RSPO3: variants seen among roughly 807,000 people sequenced by gnomAD.
RSPO3 encodes the protein R-spondin 3.
RSPO3 carries 17 observed loss-of-function variants against 36.5 expected under a neutral mutation model. The ratio of observed to expected loss-of-function variants is 0.47; its 90% CI spans 0.32 to 0.70. The LOEUF is 0.70. RSPO3 is among the 30% of genes least tolerant of loss of function. The probability of loss-of-function intolerance (pLI) is 0.04; values close to 1 mark genes in which losing one functional copy is unlikely to be tolerated. For synonymous variants in RSPO3, 108 were observed against 107.0 expected (o/e 1.01, Z -0.06); for missense variants, 294 against 322.5 (o/e 0.91, Z 0.68).
chr6:127,146,686 T>C (rs1345680146), intron 1 of RSPO3, among the ~76,000 whole-genome samples: 1 of 152,138 alleles, frequency 6.6e-6, no homozygotes, highest in Non-Finnish European at 1.5e-5. Context: ...CATGGACCAA[T>C]ATGGTCCATC....
At chr6:127,164,343 A>G (rs1774771050) in intron 4 of RSPO3, among the ~76,000 whole-genome samples, 1 of 152,090 alleles carries the variant, frequency 6.6e-6, no homozygotes, top group South Asian at 2.1e-4. Flanking sequence ...ACCAAACAAG[A>G]AACAAAACTT....
chr6:127,119,351 T>A, intron 1 of RSPO3, 62 bp downstream of exon 1: 1 of 1,254,196 alleles, frequency 8.0e-7, no homozygotes, highest in South Asian at 1.2e-5. Context: ...CGGGTCGCTT[T>A]GCCTGTCCGG....
Position 127,197,272 on chromosome 6 carries a change from A to G in RSPO3, c.*1265A>G, listed in dbSNP as rs1186708904. 1 of 866,084 alleles carries G rather than the reference A, an allele frequency of 1.2e-6. No homozygotes were observed. The highest frequency in any genetic ancestry group is 1.7e-6 in the Non-Finnish European group (1 of 580,860). 53.6% of individuals were successfully genotyped at this position (866,084 alleles called of 1,614,324 possible). On this transcript the variant is annotated 3_prime_UTR_variant, in exon 5 of 5. Transcript: ENST00000356698. ...ATTCCATTTTCTTATTTTAATCAAC[A>G]TTCTAATTATAGACACATGGGCCTC... is the stretch of plus-strand genomic sequence containing the variant.
chr6:127,170,608 AGTTGGG>A (rs1408718546), intron 4 of RSPO3, among the ~76,000 whole-genome samples: 2 of 151,794 alleles, frequency 1.3e-5, no homozygotes, highest in African/African-American at 4.8e-5. Context: ...AATAGCTAAA[AGTTGGG>A]GTGGCAGCAA....
At chr6:127,149,358 T>C (rs2114582306) in intron 2 of RSPO3, among the ~76,000 whole-genome samples, 1 of 152,180 alleles carries the variant, frequency 6.6e-6, no homozygotes, top group East Asian at 1.9e-4. Flanking sequence ...TCAAATACCA[T>C]ATGTAGTTCC....
intron 3 of RSPO3, among the ~76,000 whole-genome samples, chr6:127,152,239 T>G (rs551626879): frequency 2.6e-5 from 4 of 152,294 alleles, no homozygotes; most frequent in Admixed American, 2.0e-4. Flanking sequence ...TTACTGAGTT[T>G]GGTTCATTTA....
At chr6:127,160,501 T>G (rs944348563) in intron 4 of RSPO3, among the ~76,000 whole-genome samples, 1 of 152,176 alleles carries the variant, frequency 6.6e-6, no homozygotes, top group Non-Finnish European at 1.5e-5. Context: ...TACTGCTCCT[T>G]ATGGAGCAGG....
chr6:127,121,996 CA>C (rs1773855567), intron 1 of RSPO3, among the ~76,000 whole-genome samples: 1 of 151,184 alleles, frequency 6.6e-6, no homozygotes, highest in Admixed American at 6.6e-5. Context: ...AAAACTTCTA[CA>C]AAAAATTTAA....
At chr6:127,155,043 A>G (rs1430951626) in intron 3 of RSPO3, among the ~76,000 whole-genome samples, 198 bp from the exon 4 acceptor site, 22 of 152,204 alleles carry the variant, frequency 1.4e-4, no homozygotes, top group Admixed American at 1.4e-3. Context: ...TTACCTGATA[A>G]TGAGTACTAA....
chr6:127,160,489 G>A (rs1169991650), intron 4 of RSPO3, among the ~76,000 whole-genome samples: 2 of 152,182 alleles, frequency 1.3e-5, no homozygotes, highest in East Asian at 1.9e-4. Flanking sequence ...CAGCAGCAGA[G>A]GTACTGCTCC....
chr6:127,127,477 A>G (rs1773960761), intron 1 of RSPO3, among the ~76,000 whole-genome samples: 1 of 152,142 alleles, frequency 6.6e-6, no homozygotes, highest in Non-Finnish European at 1.5e-5. Context: ...ATGCATGTAT[A>G]CTTACTAAAG....
At chr6:127,134,754 CT>C (rs1313680720) in intron 1 of RSPO3, among the ~76,000 whole-genome samples, 1 of 152,164 alleles carries the variant, frequency 6.6e-6, no homozygotes, top group African/African-American at 2.4e-5. Flanking sequence ...ACATGTTTAT[CT>C]CATGGAACCT....
Position 127,134,236 on chromosome 6 carries a change from C to T in RSPO3, c.98-14412C>T, listed in dbSNP as rs55944897. Among the ~76,000 whole-genome samples the T allele has an allele frequency of 4.3e-3, 652 of 152,188 alleles. 3 individuals are homozygous for T. Among genetic ancestry groups the T allele is most frequent in the African/African-American group, 0.015 (607 of 41,528 alleles). On this transcript the variant is annotated intron_variant, in intron 1 of 4. Transcript: ENST00000356698. ...GAATAGGACTCATTACTTAGCATGC[C>T]GTTTGTGACAATCATAGGAAGTATG...
At chr6:127,141,346 T>A (rs940548804) in intron 1 of RSPO3, among the ~76,000 whole-genome samples, 1 of 152,194 alleles carries the variant, frequency 6.6e-6, no homozygotes, top group Non-Finnish European at 1.5e-5. Context: ...ATTTCATGAA[T>A]TCTACAGCTA....
intron 4 of RSPO3, among the ~76,000 whole-genome samples, chr6:127,192,449 G>A (rs557838303): frequency 9.9e-5 from 15 of 152,264 alleles, no homozygotes; most frequent in African/African-American, 3.4e-4. Flanking sequence ...AGTTAATCCT[G>A]AGAAATATCA....
In RSPO3 at chr6:127,157,329, T is replaced by C. The variant is rs534899903; in HGVS notation, c.634+1891T>C. On this transcript the variant is annotated intron_variant, in intron 4 of 4. Coordinates refer to ENST00000356698, the MANE Select transcript of RSPO3 (RefSeq NM_032784.5). ...GTACACATTCCTTTTAAAATATAAA[T>C]GAAGAAAAGTTATCCAATAGCAGAA... Among the ~76,000 whole-genome samples, 99 of 152,226 alleles carry C rather than the reference T, an allele frequency of 6.5e-4. 2 individuals carry two copies. The South Asian group carries it at 0.02, about 31-fold the overall frequency.
intron 4 of RSPO3, among the ~76,000 whole-genome samples, chr6:127,167,683 C>T (rs1236214923): frequency 6.6e-6 from 1 of 152,006 alleles, no homozygotes; most frequent in Non-Finnish European, 1.5e-5. Flanking sequence ...CATATGTATA[C>T]ATGTGCCATG....
chr6:127,178,755 T>C (rs1775120357), intron 4 of RSPO3, among the ~76,000 whole-genome samples: 1 of 151,852 alleles, frequency 6.6e-6, no homozygotes. Flanking sequence ...CTTTTCTTGA[T>C]TATTTCTAGG....
chr6:127,134,581 T>C (rs1013666322), intron 1 of RSPO3, among the ~76,000 whole-genome samples: 3 of 152,220 alleles, frequency 2.0e-5, no homozygotes, highest in African/African-American at 7.2e-5. Flanking sequence ...TGGATTCTTA[T>C]GTAACTTTGT....
Sources: allele counts gnomAD v4.1 joint callset (sites outside exome capture counted in the v4.1 genomes callset), GRCh38; gene constraint gnomAD v4.1.1; transcripts MANE v1.5; gene names NCBI Gene and HGNC (gene_info 2026-07-23, HGNC 2026-07-21).